VAV3: variants seen among roughly 807,000 people sequenced by gnomAD.
The protein encoded by VAV3 is guanine nucleotide exchange factor VAV3.
A neutral mutation model predicts 131.2 loss-of-function variants in VAV3; 94 were observed. The ratio of observed to expected loss-of-function variants is 0.72; its 90% confidence interval spans 0.61 to 0.85. The LOEUF (loss-of-function observed/expected upper bound fraction) is 0.85. Ranked by LOEUF, VAV3 falls within the 40% of genes least tolerant of loss-of-function variation. VAV3 has a pLI of 0.00. For missense variants in VAV3, 939 were observed against 1,002.7 expected (o/e 0.94, Z 0.86); for synonymous variants, 349 against 342.0 (o/e 1.02, Z -0.22).
chr1:107,748,936 A>G, intron 15 of VAV3, 32 bp downstream of exon 15: 1 of 1,477,692 alleles, frequency 6.8e-7, no homozygotes, highest in Non-Finnish European at 9.3e-7. Flanking sequence ...ACTAGTAAAA[A>G]TAAAAGCACT....
At chr1:107,810,096 T>C (rs1439409403) in intron 2 of VAV3, among the ~76,000 whole-genome samples, 1 of 152,226 alleles carries the variant, frequency 6.6e-6, no homozygotes, top group Non-Finnish European at 1.5e-5. Context: ...AAGAAAAGAC[T>C]GATTAGAATT....
intron 21 of VAV3, among the ~76,000 whole-genome samples, chr1:107,610,193 A>C (rs1356138734): frequency 6.6e-6 from 1 of 152,170 alleles, no homozygotes; most frequent in African/African-American, 2.4e-5. Flanking sequence ...TGCCACTGTA[A>C]CTCTAAGAGG....
intron 15 of VAV3, among the ~76,000 whole-genome samples, chr1:107,739,839 G>A (rs1215954042): frequency 1.3e-5 from 2 of 152,132 alleles, no homozygotes; most frequent in Admixed American, 6.5e-5. Context: ...TCCCCCTCTG[G>A]CCAACTCTTG....
At position 107,952,468 on chromosome 1, in the gene VAV3, T is replaced by TTATATATATATATATATATATA. The variant is rs1161088981; in HGVS notation, c.204+12197_204+12198insTATATATATATATATATATATA. 8.2e-4 allele frequency among the ~76,000 whole-genome samples: 97 copies of TTATATATATATATATATATATA among 118,958 alleles called. 1 individual carries two copies. The highest frequency in any genetic ancestry group is 2.1e-3 in the African/African-American group (58 of 28,192). The allele number at this position is 118,958 out of a possible 152,430, so 78.0% of individuals were successfully genotyped here. A position where few individuals can be genotyped will look rare whatever the true frequency, so the allele number is the denominator to read the frequency against. On this transcript the variant is annotated intron_variant, in intron 1 of 26. Coordinates refer to ENST00000370056, the MANE Select transcript of VAV3 (RefSeq NM_006113.5). The stretch of plus-strand genomic sequence containing the variant: ...TGTGCCCCGAACTTATAACAAAACT[T>TTATATATATATATATATATATA]TATATATATATATATATACACACAT...
chr1:107,621,040 C>T (rs4244130), intron 20 of VAV3, among the ~76,000 whole-genome samples: 142,467 of 151,992 alleles, frequency 0.94, 67,360 homozygotes, highest in East Asian at 1. Flanking sequence ...ATGGTATAAA[C>T]TGAACTGTTC....
intron 15 of VAV3, among the ~76,000 whole-genome samples, chr1:107,743,422 T>A (rs1663139845): frequency 6.6e-6 from 1 of 152,194 alleles, no homozygotes; most frequent in Admixed American, 6.5e-5. Context: ...CTTGGGACTC[T>A]GTATGTTGAT....
intron 15 of VAV3, among the ~76,000 whole-genome samples, chr1:107,738,278 A>G (rs568020901): frequency 3.5e-4 from 54 of 152,306 alleles, no homozygotes; most frequent in African/African-American, 8.9e-4. Context: ...GGGTGCAGCA[A>G]ACCAACATGG....
At chr1:107,801,859 A>G (rs1666841573) in intron 2 of VAV3, among the ~76,000 whole-genome samples, 1 of 152,162 alleles carries the variant, frequency 6.6e-6, no homozygotes, top group Non-Finnish European at 1.5e-5. Context: ...AACAATATTA[A>G]TTCTTTCAAT....
chr1:107,669,614 T>C, intron 19 of VAV3: 1 of 1,076,334 alleles, frequency 9.3e-7, no homozygotes, highest in Non-Finnish European at 1.2e-6. Context: ...CACAACAGGT[T>C]TTTTTGTTTT....
intron 21 of VAV3, among the ~76,000 whole-genome samples, chr1:107,615,402 G>A (rs529104616): frequency 2.7e-4 from 41 of 152,268 alleles, no homozygotes; most frequent in African/African-American, 9.1e-4. Flanking sequence ...CTAGCCATAT[G>A]CAGGACTGAA....
intron 2 of VAV3, among the ~76,000 whole-genome samples, chr1:107,866,325 T>C (rs892653242): frequency 6.6e-6 from 1 of 152,188 alleles, no homozygotes; most frequent in Non-Finnish European, 1.5e-5. Context: ...CCTGTACAGA[T>C]TCGCCACTGG....
At chr1:107,952,283 G>A (rs538660210) in intron 1 of VAV3, among the ~76,000 whole-genome samples, 1 of 151,578 alleles carries the variant, frequency 6.6e-6, no homozygotes, top group East Asian at 1.9e-4. Flanking sequence ...CACACGGAGG[G>A]GAACCACACA....
chr1:107,655,558 T>C (rs1656482060), intron 19 of VAV3, among the ~76,000 whole-genome samples: 1 of 151,984 alleles, frequency 6.6e-6, no homozygotes, highest in Admixed American at 6.6e-5. Flanking sequence ...GGACACTGGT[T>C]TGGGAAAAGG....
At chr1:107,865,955 A>G (rs565121434) in intron 2 of VAV3, among the ~76,000 whole-genome samples, 12 of 152,200 alleles carry the variant, frequency 7.9e-5, no homozygotes, top group African/African-American at 2.9e-4. Flanking sequence ...TTCCAGGGGC[A>G]CTCCACCAGA....
intron 15 of VAV3, among the ~76,000 whole-genome samples, chr1:107,742,698 A>G (rs906816582): frequency 2.0e-5 from 3 of 152,190 alleles, no homozygotes; most frequent in African/African-American, 7.2e-5. Context: ...ATGAGGTTCA[A>G]CTTAACTTCC....
intron 15 of VAV3, among the ~76,000 whole-genome samples, chr1:107,745,310 T>A (rs1663272376): frequency 6.6e-6 from 1 of 152,096 alleles, no homozygotes; most frequent in South Asian, 2.1e-4. Flanking sequence ...GCCCTTGCAC[T>A]CTATTTGGTC....
At chr1:107,923,335 C>T (rs1673007867) in intron 1 of VAV3, among the ~76,000 whole-genome samples, 1 of 152,114 alleles carries the variant, frequency 6.6e-6, no homozygotes, top group African/African-American at 2.4e-5. Context: ...CTTCCTCCCA[C>T]CCTAAATTCA....
chr1:107,810,858 G>C (rs1667285998), intron 2 of VAV3, among the ~76,000 whole-genome samples: 2 of 151,990 alleles, frequency 1.3e-5, no homozygotes, highest in South Asian at 4.2e-4. Context: ...CAGTTGTAAG[G>C]AAAGGAAGAT....
At chr1:107,629,789 T>C (rs1654315252) in intron 20 of VAV3, among the ~76,000 whole-genome samples, 1 of 152,158 alleles carries the variant, frequency 6.6e-6, no homozygotes, top group Non-Finnish European at 1.5e-5. Flanking sequence ...ATTACTGTTG[T>C]TATAATAATA....
Sources: gnomAD v4.1 joint callset for allele counts (sites outside exome capture counted in the v4.1 genomes callset) on GRCh38, gnomAD v4.1.1 for gene constraint, MANE v1.5 for transcripts, NCBI Gene and HGNC (gene_info 2026-07-23, HGNC 2026-07-21) for gene names.